The following IGF2BP1 variants were observed in gnomAD, a reference collection of about 807,000 sequenced individuals.
The protein encoded by IGF2BP1 is insulin like growth factor 2 mRNA binding protein 1.
A neutral mutation model predicts 74.9 loss-of-function variants in IGF2BP1; 11 were observed. The ratio of observed to expected loss-of-function variants is 0.15; its 90% CI spans 0.09 to 0.24. The LOEUF (loss-of-function observed/expected upper bound fraction) is 0.24. IGF2BP1 is among the 10% of genes least tolerant of loss of function. The pLI is 1.00. For synonymous variants in IGF2BP1, 287 were observed against 281.8 expected, an observed-to-expected ratio of 1.02 and a Z score of -0.18; for missense variants, 440 against 757.4, an observed-to-expected ratio of 0.58 and a Z score of 4.92.
At chr17:49,027,134 G>A (rs1356230124) in intron 4 of IGF2BP1, among the ~76,000 whole-genome samples, 2 of 152,188 alleles carry the variant, frequency 1.3e-5, no homozygotes, top group Non-Finnish European at 2.9e-5. Flanking sequence ...TGGATTGGGG[G>A]CGTGGACTCC....
Position 48,999,153 on chromosome 17 carries a change from G to A in IGF2BP1, c.220G>A (p.Val74Met). ...QGKRLEIEHS[V>M]PKKQRSRKIQ... Reference sequence around the variant, plus strand: ...AAAACGCTTAGAGATTGAACATTCGGTGCCCAAAAAACAAAGGTAGGAAAG... The same window carrying A: ...AAAACGCTTAGAGATTGAACATTCGATGCCCAAAAAACAAAGGTAGGAAAG... Residue 74 changes from valine (V) to methionine (M), a missense_variant, in exon 2 of 15, where the codon GTG (valine) becomes ATG (methionine). By Grantham distance (21) the Val-to-Met change is conservative. Transcript: ENST00000290341. 7.3e-7 allele frequency: 1 copy of A among 1,366,848 alleles called. No individual in the cohort carries two copies. The highest frequency in any genetic ancestry group is 9.9e-7 in the Non-Finnish European group (1 of 1,012,574). 84.7% of individuals were successfully genotyped at this position (1,366,848 alleles called of 1,614,324 possible). A position where few individuals can be genotyped will look rare whatever the true frequency, so the allele number is the denominator to read the frequency against.
At chr17:49,027,459 G>C (rs2041871007) in intron 4 of IGF2BP1, among the ~76,000 whole-genome samples, 1 of 152,158 alleles carries the variant, frequency 6.6e-6, no homozygotes, top group Non-Finnish European at 1.5e-5. Context: ...AAAATAAAAA[G>C]CAGAGGATTT....
Position 49,041,448 on chromosome 17 carries a change from C to T in IGF2BP1, c.889C>T (p.Arg297Trp), listed in dbSNP as rs760149333. The part of the protein sequence containing the change: ...FVGRLIGKEG[R>W]NLKKVEQDTE... Reference sequence around the variant, plus strand: ...AGGGCGTCTCATTGGCAAGGAAGGACGGAACCTGAAGAAGGTAGAGCAAGA... The same window carrying T: ...AGGGCGTCTCATTGGCAAGGAAGGATGGAACCTGAAGAAGGTAGAGCAAGA... Residue 297 changes from arginine (R) to tryptophan (W), a missense_variant, in exon 8 of 15, where the codon CGG (arginine) becomes TGG (tryptophan). By Grantham distance (101) the Arg-to-Trp change is moderately radical (BLOSUM62 -3). Transcript: ENST00000290341. The T allele has an allele frequency of 9.9e-6, 16 of 1,614,082 alleles. No homozygotes were observed. Among genetic ancestry groups the T allele is most frequent in the South Asian group, 1.1e-5 (1 of 91,070 alleles).
intron 2 of IGF2BP1, among the ~76,000 whole-genome samples, chr17:49,001,738 A>G (rs1056841281): frequency 3.9e-5 from 6 of 152,132 alleles, no homozygotes; most frequent in African/African-American, 1.4e-4. Flanking sequence ...GAATTTGTAT[A>G]TGTTCACTGC....
intron 2 of IGF2BP1, among the ~76,000 whole-genome samples, chr17:49,003,331 G>A (rs2041507700): frequency 6.6e-6 from 1 of 152,136 alleles, no homozygotes; most frequent in Non-Finnish European, 1.5e-5. Flanking sequence ...ATGTGTAGCA[G>A]CCAGTTGACA....
intron 4 of IGF2BP1, among the ~76,000 whole-genome samples, chr17:49,026,812 C>T (rs546308407): frequency 1.3e-5 from 2 of 152,010 alleles, no homozygotes; most frequent in Non-Finnish European, 2.9e-5. Flanking sequence ...GGCGCAATCT[C>T]GGCTCACTGC....
Position 49,032,632 on chromosome 17 carries a change from A to G in IGF2BP1, c.401+659A>G, listed in dbSNP as rs566933247. ...GCTTTGGGCTTTCTTGCTTCTTAAC[A>G]TGCCGCCTTCTCCAATCTAATAATA... On this transcript the variant is annotated intron_variant, in intron 5 of 14. Coordinates refer to ENST00000290341, the MANE Select transcript of IGF2BP1 (RefSeq NM_006546.4). Among the ~76,000 whole-genome samples the G allele has an allele frequency of 7.9e-4, 121 of 152,248 alleles. No individual in the cohort carries two copies. In the South Asian group the frequency reaches 0.013, roughly 16 times the overall value.
At chr17:49,039,412 G>A (rs2042025055) in intron 6 of IGF2BP1, among the ~76,000 whole-genome samples, 2 of 151,900 alleles carry the variant, frequency 1.3e-5, no homozygotes, top group Admixed American at 1.3e-4. Context: ...CCCAACCACT[G>A]CTTGCTTATT....
chr17:49,040,355 A>G (rs1457855605), intron 7 of IGF2BP1, among the ~76,000 whole-genome samples: 1 of 152,218 alleles, frequency 6.6e-6, no homozygotes, highest in Non-Finnish European at 1.5e-5. Context: ...AGCTAGGACA[A>G]CATGCATGCA....
chr17:49,020,565 A>G (rs543113084), intron 2 of IGF2BP1, among the ~76,000 whole-genome samples: 3 of 152,306 alleles, frequency 2.0e-5, no homozygotes, highest in South Asian at 2.1e-4. Flanking sequence ...CACTGTCCCT[A>G]TGCTGCCTTT....
chr17:49,005,959 G>A (rs1456022803), intron 2 of IGF2BP1, among the ~76,000 whole-genome samples: 2 of 152,194 alleles, frequency 1.3e-5, no homozygotes, highest in Non-Finnish European at 2.9e-5. Context: ...CTACTCGGGA[G>A]GCTGAGGCCA....
intron 4 of IGF2BP1, among the ~76,000 whole-genome samples, chr17:49,028,469 A>G (rs1260866345): frequency 1.3e-5 from 2 of 152,228 alleles, no homozygotes; most frequent in African/African-American, 2.4e-5. Context: ...CCAGGATACA[A>G]CAGGACTCAC....
chr17:49,019,061 C>T (rs1226575519), intron 2 of IGF2BP1, among the ~76,000 whole-genome samples: 2 of 152,116 alleles, frequency 1.3e-5, no homozygotes, highest in African/African-American at 4.8e-5. Context: ...TGCCCCACCC[C>T]AGTTTAAAGG....
At chr17:49,036,499 A>G (rs2041990221) in intron 5 of IGF2BP1, 1 of 152,136 alleles carries the variant, frequency 6.6e-6, no homozygotes, top group African/African-American at 2.4e-5. Context: ...GGGACTGCGG[A>G]GGAGCTAAAA....
intron 2 of IGF2BP1, among the ~76,000 whole-genome samples, chr17:48,999,521 T>A (rs1487979258): frequency 6.6e-6 from 1 of 152,098 alleles, no homozygotes; most frequent in Non-Finnish European, 1.5e-5. Context: ...GAGTTCAGAC[T>A]CATGGCGATT....
intron 1 of IGF2BP1, among the ~76,000 whole-genome samples, chr17:48,998,238 G>T (rs2041433308): frequency 6.6e-6 from 1 of 152,154 alleles, no homozygotes; most frequent in Admixed American, 6.5e-5. Flanking sequence ...TTAGGGACAC[G>T]GGGATGACCC....
At chr17:49,023,412 CAG>C (rs1431958297) in intron 2 of IGF2BP1, among the ~76,000 whole-genome samples, 5 of 152,098 alleles carry the variant, frequency 3.3e-5, no homozygotes, top group Non-Finnish European at 5.9e-5. Context: ...TTTAGAATTG[CAG>C]GCTAGAAAAG....
upstream of IGF2BP1, chr17:48,996,607 C>G (rs1226872798): frequency 6.6e-6 from 1 of 152,430 alleles, no homozygotes; most frequent in Admixed American, 6.5e-5. Flanking sequence ...TGTCTCCCAC[C>G]GTTCCTGTCT....
chr17:49,051,596 C>T lies in IGF2BP1; in HGVS notation c.*2152C>T, dbSNP rs915513220. The T allele has an allele frequency of 6.6e-6, 1 of 152,238 alleles. No individual in the cohort carries two copies. Among genetic ancestry groups the T allele is most frequent in the Non-Finnish European group, 1.5e-5 (1 of 68,052 alleles). The allele number at this position is 152,238 out of a possible 1,614,324, so 9.4% of individuals were successfully genotyped here. A position where few individuals can be genotyped will look rare whatever the true frequency, so the allele number is the denominator to read the frequency against. On this transcript the variant is annotated 3_prime_UTR_variant, in exon 15 of 15. Coordinates refer to ENST00000290341, the MANE Select transcript of IGF2BP1 (RefSeq NM_006546.4). Reference sequence around the variant, plus strand: ...GGCCCTTGGTCTCCTCTCTTTCCTCCTTTGGTTAAAGAGCATCTCAGCCAG... The same window carrying T: ...GGCCCTTGGTCTCCTCTCTTTCCTCTTTTGGTTAAAGAGCATCTCAGCCAG...
Sources: allele counts gnomAD v4.1 joint callset (sites outside exome capture counted in the v4.1 genomes callset), GRCh38; gene constraint gnomAD v4.1.1; transcripts MANE v1.5; gene names NCBI Gene and HGNC (gene_info 2026-07-23, HGNC 2026-07-21).